LRRC53: variants seen among roughly 807,000 people sequenced by gnomAD.
LRRC53 encodes leucine-rich repeat-containing protein 53.
LRRC53 carries 25 observed loss-of-function variants against 13.6 expected under a neutral mutation model. The ratio of observed to expected loss-of-function variants is 1.83; its 90% CI spans 1.34 to 2.56. The LOEUF is 2.56. Ranked by LOEUF, LRRC53 falls within the 30% of genes most tolerant of loss-of-function variation. The pLI, the probability that LRRC53 is intolerant of heterozygous loss-of-function variation, is 0.00. For synonymous variants in LRRC53, 204 were observed against 109.8 expected, an observed-to-expected ratio of 1.86 and a Z score of -5.37; for missense variants, 527 against 275.8, an observed-to-expected ratio of 1.91 and a Z score of -6.45.
At chr1:74,526,479 G>T in the LRRC53 span, among the ~76,000 whole-genome samples, 3 of 152,134 alleles carry the variant, frequency 2.0e-5, no homozygotes, top group Admixed American at 1.3e-4. Flanking sequence ...CTTATAACCT[G>T]TGACTTTGGC....
At chr1:74,494,768 T>C (rs1161220581) in intron 1 of LRRC53, among the ~76,000 whole-genome samples, 1 of 152,174 alleles carries the variant, frequency 6.6e-6, no homozygotes, top group Non-Finnish European at 1.5e-5. Context: ...ACATGTAAAA[T>C]ACTGATAATA....
chr1:74,521,516 G>GTATATA, the LRRC53 span, among the ~76,000 whole-genome samples: 1 of 150,528 alleles, frequency 6.6e-6, no homozygotes, highest in African/African-American at 2.4e-5. Context: ...GTGTGTATGT[G>GTATATA]TATATATATA....
chr1:74,531,073 A>G, the LRRC53 span, among the ~76,000 whole-genome samples: 5 of 152,202 alleles, frequency 3.3e-5, no homozygotes, highest in Non-Finnish European at 5.9e-5. Flanking sequence ...CTCAAGCAGA[A>G]CCATGACCTG....
intron 2 of LRRC53, among the ~76,000 whole-genome samples, chr1:74,481,538 T>C (rs1403049488): frequency 6.6e-6 from 1 of 152,212 alleles, no homozygotes; most frequent in African/African-American, 2.4e-5. Context: ...TAAGGATATA[T>C]ATTCAATCCA....
At chr1:74,500,007 A>T (rs1449041097) in intron 1 of LRRC53, among the ~76,000 whole-genome samples, 3 of 151,800 alleles carry the variant, frequency 2.0e-5, no homozygotes, top group Non-Finnish European at 4.4e-5. Flanking sequence ...TTTGAATATG[A>T]GCTATATTTC....
In LRRC53 at chr1:74,512,166, C is replaced by T. The variant is rs116745199; in HGVS notation, c.-27+360G>A. ...AATAGCCCTGGGGCATGACTCGAAC[C>T]TGTGAGGGACCATAAAGGGGCATGA... On this transcript the variant is annotated intron_variant, in intron 1 of 4. Transcript: ENST00000294635. Among the ~76,000 whole-genome samples the T allele has an allele frequency of 3.0e-3, 458 of 152,278 alleles. 2 individuals carry two copies. The highest frequency in any genetic ancestry group is 0.01 in the African/African-American group (428 of 41,538).
At chr1:74,511,279 G>C (rs570632605) in intron 1 of LRRC53, among the ~76,000 whole-genome samples, 72 of 151,522 alleles carry the variant, frequency 4.8e-4, no homozygotes, top group African/African-American at 1.5e-3. Flanking sequence ...CACAACCTCT[G>C]CCTCCCGGGT....
rs58506314 is a variant in LRRC53, at chr1:74,486,201, A to AAGAGAGAGAGAGAGAGAGAGAGAG, written c.-26-2850_-26-2827dup. On this transcript the variant is annotated intron_variant, in intron 1 of 4. Coordinates refer to ENST00000294635, the MANE Select transcript of LRRC53 (RefSeq NM_001382280.1). ...GTCTACCCTCAGGCTAAATGCTATAAAGAGAGAGAGAGAGAGAGAGAGAGA... is the reference window on the plus strand; with the variant it reads ...GTCTACCCTCAGGCTAAATGCTATAAAGAGAGAGAGAGAGAGAGAGAGAGAGAGAGAGAGAGAGAGAGAGAGAGA... 2.7e-3 allele frequency among the ~76,000 whole-genome samples: 369 copies of AAGAGAGAGAGAGAGAGAGAGAGAG among 136,468 alleles called. 4 individuals carry two copies. The highest frequency in any genetic ancestry group is 9.4e-3 in the African/African-American group (359 of 38,076). 89.5% of individuals were successfully genotyped at this position (136,468 alleles called of 152,430 possible). A position where few individuals can be genotyped will look rare whatever the true frequency, so the allele number is the denominator to read the frequency against.
intron 1 of LRRC53, chr1:74,491,950 C>G: frequency 8.0e-7 from 1 of 1,246,570 alleles, no homozygotes. Context: ...TAGACTTTTT[C>G]CTGAAAGGAA....
intron 1 of LRRC53, among the ~76,000 whole-genome samples, chr1:74,493,569 C>T (rs190325737): frequency 1.8e-4 from 28 of 152,208 alleles, no homozygotes; most frequent in Admixed American, 9.8e-4. Flanking sequence ...ATAATAATTC[C>T]GTATAATAAC....
Position 74,509,782 on chromosome 1 carries a change from C to G in LRRC53, c.-27+2744G>C, listed in dbSNP as rs528152550. On this transcript the variant is annotated intron_variant, in intron 1 of 4. Coordinates refer to ENST00000294635, the MANE Select transcript of LRRC53 (RefSeq NM_001382280.1). Reference sequence around the variant, plus strand: ...TTTTTTTTTTTTTTTTTTTTTGAGACAGGGTCTCACTTTGTTACCCAGTAC... The same window carrying G: ...TTTTTTTTTTTTTTTTTTTTTGAGAGAGGGTCTCACTTTGTTACCCAGTAC... Among the ~76,000 whole-genome samples, 9 of 72,904 alleles carry G rather than the reference C, an allele frequency of 1.2e-4. No homozygotes were observed. In the East Asian group the frequency reaches 4.3e-3, roughly 35 times the overall value. 47.8% of individuals were successfully genotyped at this position (72,904 alleles called of 152,430 possible). A position where few individuals can be genotyped will look rare whatever the true frequency, so the allele number is the denominator to read the frequency against.
chr1:74,531,126 C>T, the LRRC53 span, among the ~76,000 whole-genome samples: 3 of 152,068 alleles, frequency 2.0e-5, no homozygotes, highest in Non-Finnish European at 4.4e-5. Context: ...GGGACATTTG[C>T]CATTGAAAGA....
At chr1:74,517,133 A>G (rs1201618158), upstream of LRRC53, among the ~76,000 whole-genome samples, 2 of 152,152 alleles carry the variant, frequency 1.3e-5, no homozygotes, top group Non-Finnish European at 2.9e-5. Flanking sequence ...TATTACACAA[A>G]TCATTCTCAA....
At chr1:74,484,450 T>C (rs1010497499) in intron 1 of LRRC53, among the ~76,000 whole-genome samples, 5 of 152,140 alleles carry the variant, frequency 3.3e-5, no homozygotes, top group Non-Finnish European at 7.4e-5. Context: ...ATATAAACAA[T>C]AAACAAATAA....
upstream of LRRC53, among the ~76,000 whole-genome samples, chr1:74,514,860 G>A (rs1342875897): frequency 6.6e-6 from 1 of 152,176 alleles, no homozygotes; most frequent in Non-Finnish European, 1.5e-5. Flanking sequence ...TTTGGAAACA[G>A]GGTTGTTGCA....
At chr1:74,516,708 T>G (rs1268075990), upstream of LRRC53, among the ~76,000 whole-genome samples, 1 of 152,150 alleles carries the variant, frequency 6.6e-6, no homozygotes, top group African/African-American at 2.4e-5. Context: ...TGAGGATGGC[T>G]TGTATATTCC....
chr1:74,510,909 C>A (rs538226847), intron 1 of LRRC53, among the ~76,000 whole-genome samples: 4 of 152,132 alleles, frequency 2.6e-5, no homozygotes, highest in Non-Finnish European at 4.4e-5. Flanking sequence ...TTTTTTGAGA[C>A]GAAGTCTCAC....
At position 74,472,097 on chromosome 1, in the gene LRRC53, T is replaced by C. The variant is rs61729305; in HGVS notation, c.1525A>G (p.Ile509Val). 5.6e-3 allele frequency: 4,023 copies of C among 717,290 alleles called. 24 individuals carry two copies. Among genetic ancestry groups the C allele is most frequent in the Non-Finnish European group, 8.0e-3 (3,075 of 384,888 alleles). The allele number at this position is 717,290 out of a possible 1,614,324, so 44.4% of individuals were successfully genotyped here. ...TGTAAGCCATTGTCTTCTTTTTCTATTGGAGGCTGCCATGATTCATTTGTT... is the reference window on the plus strand; with the variant it reads ...TGTAAGCCATTGTCTTCTTTTTCTACTGGAGGCTGCCATGATTCATTTGTT... ...RLTNESWQPP[I>V]EKEDNGLHPH... Residue 509 changes from isoleucine to valine, a missense_variant, in exon 5 of 5, where the codon ATA becomes GTA. By Grantham distance (29) the Ile-to-Val change is conservative. Coordinates refer to ENST00000294635, the MANE Select transcript of LRRC53 (RefSeq NM_001382280.1).
chr1:74,481,756 GTAT>G (rs1390692143), intron 2 of LRRC53, among the ~76,000 whole-genome samples: 2 of 152,246 alleles, frequency 1.3e-5, no homozygotes, highest in East Asian at 1.9e-4. Flanking sequence ...CAATAAAGAA[GTAT>G]TATAATCAGG....
Sources: gnomAD v4.1 joint callset for allele counts (sites outside exome capture counted in the v4.1 genomes callset) on GRCh38, gnomAD v4.1.1 for gene constraint, MANE v1.5 for transcripts, NCBI Gene and HGNC (gene_info 2026-07-23, HGNC 2026-07-21) for gene names.